Variants in NLGN1 observed in about 807,000 individuals in gnomAD.
NLGN1 encodes neuroligin 1.
In NLGN1, 12 loss-of-function variants were observed where a neutral mutation model predicts 65.5. The ratio of observed to expected loss-of-function variants is 0.18; its 90% CI spans 0.12 to 0.30. NLGN1 has a LOEUF of 0.30. Among genes scored for constraint, NLGN1 ranks in the 10% least tolerant of loss-of-function variants. NLGN1 has a pLI of 1.00. For missense variants in NLGN1, 750 were observed against 1,007.1 expected, an observed-to-expected ratio of 0.74 and a Z score of 3.46; for synonymous variants, 350 against 359.5, an observed-to-expected ratio of 0.97 and a Z score of 0.30.
intron 3 of NLGN1, among the ~76,000 whole-genome samples, chr3:173,658,267 A>T (rs950354737): frequency 1.3e-5 from 2 of 151,932 alleles, no homozygotes; most frequent in Non-Finnish European, 1.5e-5. Flanking sequence ...GCTACCAGGT[A>T]TGTGATTAGG....
chr3:173,790,407 A>G (rs9681053), intron 3 of NLGN1, among the ~76,000 whole-genome samples: 6,639 of 152,146 alleles, frequency 0.044, 202 homozygotes, highest in African/African-American at 0.089. Flanking sequence ...TTCTTTCTCA[A>G]CCACCCACAA....
chr3:174,142,673 A>G (rs1722522412), intron 4 of NLGN1, among the ~76,000 whole-genome samples: 1 of 149,124 alleles, frequency 6.7e-6, no homozygotes, highest in Non-Finnish European at 1.5e-5. Context: ...ATAGCAAGAC[A>G]TCTAAAAGCC....
intron 3 of NLGN1, chr3:173,685,854 G>T: frequency 1.1e-6 from 1 of 915,526 alleles, no homozygotes; most frequent in Non-Finnish European, 1.3e-6. Flanking sequence ...TTCAACATCA[G>T]ATGTCCTCTT....
At position 173,964,390 on chromosome 3, in the gene NLGN1, C is replaced by T. The variant is rs115190926; in HGVS notation, c.646+156558C>T. Reference sequence around the variant, plus strand: ...GCAACATGCAGCTGTTATATTTGTGCATATTCAGGAAAGTGAAGGACTTGC... The same window carrying T: ...GCAACATGCAGCTGTTATATTTGTGTATATTCAGGAAAGTGAAGGACTTGC... On this transcript the variant is annotated intron_variant, in intron 4 of 6. Coordinates refer to ENST00000457714, the Ensembl canonical transcript of NLGN1. Among the ~76,000 whole-genome samples the T allele has an allele frequency of 7.1e-3, 1,080 of 152,236 alleles. 24 individuals are homozygous for T. Among genetic ancestry groups the T allele is most frequent in the African/African-American group, 0.024 (990 of 41,544 alleles).
In NLGN1 at chr3:173,577,445, C is replaced by T. The variant is rs562097451; in HGVS notation, c.-320-26834C>T. Among the ~76,000 whole-genome samples the T allele has an allele frequency of 4.6e-5, 7 of 152,280 alleles. No individual in the cohort carries two copies. The South Asian group carries it at 1.2e-3, about 27-fold the overall frequency. Reference sequence around the variant, plus strand: ...TTACCATGTCCTGCTTTCCTTCTCTCCCTTCCTCCTAGTACAATTTATAAA... The same window carrying T: ...TTACCATGTCCTGCTTTCCTTCTCTTCCTTCCTCCTAGTACAATTTATAAA... On this transcript the variant is annotated intron_variant, in intron 2 of 6. Coordinates refer to ENST00000457714, the Ensembl canonical transcript of NLGN1.
intron 4 of NLGN1, among the ~76,000 whole-genome samples, chr3:174,156,481 A>G (rs750219087): frequency 1.3e-5 from 2 of 151,810 alleles, no homozygotes; most frequent in Non-Finnish European, 2.9e-5. Flanking sequence ...ACTTGGAAAC[A>G]CCTTTCACGC....
At chr3:174,219,176 G>C (rs1368344240) in intron 4 of NLGN1, among the ~76,000 whole-genome samples, 1 of 151,986 alleles carries the variant, frequency 6.6e-6, no homozygotes, top group Non-Finnish European at 1.5e-5. Context: ...CAGTTTATCT[G>C]GGAGACCACC....
chr3:173,716,882 CG>C lies in NLGN1; in HGVS notation c.494-90797del, dbSNP rs147665786. Among the ~76,000 whole-genome samples, 574 of 152,156 alleles carry C rather than the reference CG, an allele frequency of 3.8e-3. 4 individuals carry two copies. The highest frequency in any genetic ancestry group is 0.013 in the African/African-American group (545 of 41,502). Reference sequence around the variant, plus strand: ...TGAAGATATCGTAGCAACTGAAACACGTTGAATGCACTGAAGGGGTGGGGGG... The same window carrying C: ...TGAAGATATCGTAGCAACTGAAACACTTGAATGCACTGAAGGGGTGGGGGG... On this transcript the variant is annotated intron_variant, in intron 3 of 6. Coordinates refer to ENST00000457714, the Ensembl canonical transcript of NLGN1.
intron 4 of NLGN1, among the ~76,000 whole-genome samples, chr3:174,121,712 C>T (rs1717814711): frequency 6.6e-6 from 1 of 152,142 alleles, no homozygotes; most frequent in African/African-American, 2.4e-5. Flanking sequence ...TAAGTTTTAA[C>T]TTTCAAGTTC....
chr3:173,788,405 T>A (rs1185074323), intron 3 of NLGN1, among the ~76,000 whole-genome samples: 1 of 152,112 alleles, frequency 6.6e-6, no homozygotes, highest in Non-Finnish European at 1.5e-5. Context: ...TCAATTAACC[T>A]ATTTTTTTAG....
Position 174,060,591 on chromosome 3 carries a change from C to T in NLGN1, c.647-214724C>T, listed in dbSNP as rs118030062. Among the ~76,000 whole-genome samples, 75 of 152,206 alleles carry T rather than the reference C, an allele frequency of 4.9e-4. 1 individual carries two copies. The East Asian group carries it at 0.012, about 25-fold the overall frequency. Reference sequence around the variant, plus strand: ...CTACCTCTCTCTTGCCACATCCCATCTTGCCCTACAATTCAACTTGCTTAC... The same window carrying T: ...CTACCTCTCTCTTGCCACATCCCATTTTGCCCTACAATTCAACTTGCTTAC... On this transcript the variant is annotated intron_variant, in intron 4 of 6. Transcript: ENST00000457714.
At chr3:174,148,634 C>T (rs11919911) in intron 4 of NLGN1, among the ~76,000 whole-genome samples, 1 of 151,978 alleles carries the variant, frequency 6.6e-6, no homozygotes, top group Admixed American at 6.6e-5. Context: ...ACATCATATA[C>T]ACTTTTGCAT....
intron 4 of NLGN1, among the ~76,000 whole-genome samples, chr3:173,989,226 T>C (rs191195140): frequency 4.1e-4 from 63 of 152,266 alleles, no homozygotes; most frequent in Admixed American, 2.9e-3. Context: ...TTCCTTACCA[T>C]TGGGCAAATC....
intron 2 of NLGN1, among the ~76,000 whole-genome samples, chr3:173,569,897 G>A (rs753164256): frequency 7.9e-5 from 12 of 152,140 alleles, no homozygotes; most frequent in Non-Finnish European, 1.6e-4. Flanking sequence ...TTACTTAGCA[G>A]ATAGCATTCA....
chr3:173,743,272 A>G (rs1274580414), intron 3 of NLGN1, among the ~76,000 whole-genome samples: 1 of 152,166 alleles, frequency 6.6e-6, no homozygotes, highest in East Asian at 1.9e-4. Flanking sequence ...TCATGCAAGC[A>G]TCTAACAAGT....
intron 2 of NLGN1, among the ~76,000 whole-genome samples, chr3:173,475,851 AG>A (rs1355275285): frequency 1.3e-5 from 2 of 152,226 alleles, no homozygotes; most frequent in African/African-American, 4.8e-5. Context: ...AACAACTGCA[AG>A]ATGTTGTTCA....
intron 4 of NLGN1, among the ~76,000 whole-genome samples, chr3:174,198,614 T>G (rs1335058170): frequency 6.6e-6 from 1 of 152,184 alleles, no homozygotes; most frequent in Non-Finnish European, 1.5e-5. Context: ...TTATTTAAAT[T>G]TTCAAATTTG....
chr3:173,692,257 C>A (rs1294488168), intron 3 of NLGN1, among the ~76,000 whole-genome samples: 1 of 152,126 alleles, frequency 6.6e-6, no homozygotes, highest in African/African-American at 2.4e-5. Flanking sequence ...GATGTTATGA[C>A]ATCGCTTACT....
At chr3:173,904,681 T>G (rs1010096391) in intron 4 of NLGN1, among the ~76,000 whole-genome samples, 4 of 152,126 alleles carry the variant, frequency 2.6e-5, no homozygotes, top group African/African-American at 9.7e-5. Context: ...CTCATATTCT[T>G]TTCTGGGTCA....
Sources: gnomAD v4.1 joint callset for allele counts (sites outside exome capture counted in the v4.1 genomes callset) on GRCh38, gnomAD v4.1.1 for gene constraint, MANE v1.5 for transcripts, NCBI Gene and HGNC (gene_info 2026-07-23, HGNC 2026-07-21) for gene names.